Variants in TENM2 observed in about 807,000 individuals in gnomAD.
TENM2 encodes teneurin transmembrane protein 2.
Under a neutral mutation model 245.2 loss-of-function variants are expected in TENM2, and 52 were observed. The observed-to-expected ratio is 0.21, with a 90% confidence interval of 0.17 to 0.27. The LOEUF (loss-of-function observed/expected upper bound fraction) is 0.27. Among genes scored for constraint, TENM2 ranks in the 10% least tolerant of loss-of-function variants. The pLI, the probability that TENM2 is intolerant of heterozygous loss-of-function variation, is 1.00. For synonymous variants in TENM2, 1,363 were observed against 1,438.9 expected (o/e 0.95, Z 1.19); for missense variants, 3,046 against 3,666.8 (o/e 0.83, Z 4.37).
chr5:167,466,580 A>G (rs997216127), intron 2 of TENM2, among the ~76,000 whole-genome samples: 3 of 152,230 alleles, frequency 2.0e-5, no homozygotes, highest in African/African-American at 7.2e-5. Context: ...AATTTTATTG[A>G]TAACTAAACA....
At chr5:167,373,497 A>AT in intron 1 of TENM2, among the ~76,000 whole-genome samples, 1 of 152,290 alleles carries the variant, frequency 6.6e-6, no homozygotes, top group East Asian at 1.9e-4. Flanking sequence ...TCTTCACTGC[A>AT]TTTTTTTCAT....
At chr5:167,690,970 T>TAG (rs1554101364) in intron 2 of TENM2, among the ~76,000 whole-genome samples, 1,627 of 142,250 alleles carry the variant, frequency 0.011, 37 homozygotes, top group African/African-American at 0.041. Context: ...TGTGTGTGTG[T>TAG]AGAGAGAGAG....
intron 2 of TENM2, among the ~76,000 whole-genome samples, chr5:167,551,615 C>T (rs1772950826): frequency 6.6e-6 from 1 of 152,144 alleles, no homozygotes; most frequent in Admixed American, 6.5e-5. Flanking sequence ...CATACATACA[C>T]ACACACATAC....
At chr5:167,462,612 G>A (rs4868798) in intron 2 of TENM2, among the ~76,000 whole-genome samples, 58,223 of 151,596 alleles carry the variant, frequency 0.38, 12,313 homozygotes, top group Middle Eastern at 0.51. Flanking sequence ...TCTTCCCATG[G>A]CCAATCTCTT....
At chr5:167,368,988 GACA>G (rs958629049) in intron 1 of TENM2, among the ~76,000 whole-genome samples, 2 of 152,072 alleles carry the variant, frequency 1.3e-5, no homozygotes, top group African/African-American at 4.8e-5. Context: ...GGTCTCCACG[GACA>G]ACACTTGGTC....
chr5:167,350,413 A>ATATGTG (rs67154307), intron 1 of TENM2, among the ~76,000 whole-genome samples: 2 of 141,928 alleles, frequency 1.4e-5, no homozygotes, highest in South Asian at 2.2e-4. Flanking sequence ...ATACATATAT[A>ATATGTG]TGTGTGTGTG....
the TENM2 span, among the ~76,000 whole-genome samples, chr5:166,987,793 A>G: frequency 6.6e-6 from 1 of 152,184 alleles, no homozygotes; most frequent in Non-Finnish European, 1.5e-5. Flanking sequence ...GAATCAATTT[A>G]TGATTTACTT....
the TENM2 span, among the ~76,000 whole-genome samples, chr5:167,176,788 A>G: frequency 1.3e-5 from 2 of 152,202 alleles, no homozygotes; most frequent in African/African-American, 2.4e-5. Context: ...TATAAAAAAG[A>G]TATCAATATA....
intron 4 of TENM2, among the ~76,000 whole-genome samples, chr5:167,980,769 G>T (rs574097148): frequency 1.8e-4 from 27 of 152,154 alleles, no homozygotes; most frequent in African/African-American, 6.0e-4. Context: ...CAGGCCAGGC[G>T]CAAGATGATG....
chr5:167,673,398 T>A (rs1756092927), intron 2 of TENM2, among the ~76,000 whole-genome samples: 1 of 152,120 alleles, frequency 6.6e-6, no homozygotes, highest in Non-Finnish European at 1.5e-5. Context: ...TGCTCAGTAC[T>A]CAGTGAGAAG....
At chr5:167,550,379 T>A (rs1772848799) in intron 2 of TENM2, among the ~76,000 whole-genome samples, 1 of 152,198 alleles carries the variant, frequency 6.6e-6, no homozygotes, top group African/African-American at 2.4e-5. Flanking sequence ...ACTCTTGCCT[T>A]TTAGGATCAA....
At chr5:168,155,296 T>G (rs1166708385) in intron 12 of TENM2, among the ~76,000 whole-genome samples, 1 of 151,782 alleles carries the variant, frequency 6.6e-6, no homozygotes, top group East Asian at 1.9e-4. Context: ...TATTAAATAA[T>G]GTCCAGTGTA....
At chr5:167,575,687 G>C (rs959845318) in intron 2 of TENM2, among the ~76,000 whole-genome samples, 2 of 152,092 alleles carry the variant, frequency 1.3e-5, no homozygotes, top group African/African-American at 4.8e-5. Context: ...TACAGGTTGG[G>C]GAGACTTAAT....
chr5:167,875,359 G>A (rs1462882856), intron 2 of TENM2, among the ~76,000 whole-genome samples: 1 of 152,136 alleles, frequency 6.6e-6, no homozygotes, highest in Admixed American at 6.5e-5. Flanking sequence ...CAGAAATAAA[G>A]ATGACCATAT....
the TENM2 span, among the ~76,000 whole-genome samples, chr5:167,277,642 T>C: frequency 3.3e-5 from 5 of 152,192 alleles, no homozygotes; most frequent in Non-Finnish European, 7.3e-5. Flanking sequence ...TATGGTGTTG[T>C]TGGGATCTTC....
chr5:167,226,757 C>T, the TENM2 span, among the ~76,000 whole-genome samples: 219 of 151,948 alleles, frequency 1.4e-3, no homozygotes, highest in East Asian at 0.027. Flanking sequence ...CTAAATTATC[C>T]GCCTAATGTT....
At chr5:167,098,008 C>G in the TENM2 span, among the ~76,000 whole-genome samples, 1 of 151,996 alleles carries the variant, frequency 6.6e-6, no homozygotes, top group East Asian at 1.9e-4. Context: ...ACTATTTTTT[C>G]CTCCCATTTT....
intron 2 of TENM2, among the ~76,000 whole-genome samples, chr5:167,458,921 A>T (rs1258822274): frequency 6.6e-6 from 1 of 152,242 alleles, no homozygotes; most frequent in Non-Finnish European, 1.5e-5. Flanking sequence ...CTGCTATGAA[A>T]TACTGTTTGC....
chr5:167,634,937 A>C (rs1446249740), intron 2 of TENM2, among the ~76,000 whole-genome samples: 2 of 152,208 alleles, frequency 1.3e-5, no homozygotes, highest in African/African-American at 4.8e-5. Flanking sequence ...ATTGATTTTC[A>C]GTTGATGGGT....
Sources: gnomAD v4.1 joint callset for allele counts (sites outside exome capture counted in the v4.1 genomes callset) on GRCh38, gnomAD v4.1.1 for gene constraint, MANE v1.5 for transcripts, NCBI Gene and HGNC (gene_info 2026-07-23, HGNC 2026-07-21) for gene names.